Variants in PRKCZ observed in about 807,000 individuals in gnomAD.
PRKCZ encodes protein kinase C zeta type.
Under a neutral mutation model 79.5 loss-of-function variants are expected in PRKCZ, and 33 were observed. The observed-to-expected ratio is 0.41, with a 90% CI of 0.31 to 0.55. The LOEUF is 0.55. Among genes scored for constraint, PRKCZ ranks in the 20% least tolerant of loss-of-function variants. The pLI is 0.19. For synonymous variants in PRKCZ, 342 were observed against 320.9 expected (o/e 1.07, Z -0.70); for missense variants, 578 against 813.5 (o/e 0.71, Z 3.52).
intron 4 of PRKCZ, among the ~76,000 whole-genome samples, chr1:2,130,537 A>G (rs553342923): frequency 1.6e-4 from 24 of 152,292 alleles, no homozygotes; most frequent in South Asian, 1.2e-3. Context: ...GTGTGTATAG[A>G]AAGATCTATT....
chr1:2,077,542 G>T (rs552420703), intron 4 of PRKCZ, among the ~76,000 whole-genome samples: 1 of 152,202 alleles, frequency 6.6e-6, no homozygotes, highest in Non-Finnish European at 1.5e-5. Flanking sequence ...TGTTGCCCTT[G>T]TTAAATGGTT....
intron 4 of PRKCZ, among the ~76,000 whole-genome samples, chr1:2,068,030 C>T (rs1432258620): frequency 2.0e-5 from 3 of 152,216 alleles, no homozygotes; most frequent in Non-Finnish European, 4.4e-5. Context: ...CCTCAGGCCA[C>T]GGGACTCTGG....
intron 2 of PRKCZ, among the ~76,000 whole-genome samples, chr1:2,056,187 C>G (rs1224197853): frequency 6.6e-6 from 1 of 152,234 alleles, no homozygotes; most frequent in Non-Finnish European, 1.5e-5. Context: ...CCGCCCAGGA[C>G]TGACCTCCGG....
intron 10 of PRKCZ, 179 bp downstream of exon 10, chr1:2,156,271 A>G (rs1208876120): frequency 7.1e-6 from 4 of 561,066 alleles, no homozygotes; most frequent in African/African-American, 3.8e-5. Context: ...TATTAAGTAC[A>G]TTTCATGATC....
intron 10 of PRKCZ, among the ~76,000 whole-genome samples, chr1:2,166,327 G>A (rs1027148752): frequency 1.3e-5 from 2 of 152,214 alleles, no homozygotes; most frequent in Admixed American, 6.5e-5. Flanking sequence ...GCTGAAGCCG[G>A]AGGATTGCCT....
intron 4 of PRKCZ, among the ~76,000 whole-genome samples, chr1:2,122,123 G>T (rs1439594004): frequency 2.3e-5 from 1 of 42,900 alleles, no homozygotes; most frequent in Non-Finnish European, 3.8e-5. Flanking sequence ...TTAGGGTCAC[G>T]GTGGTGGTTA....
intron 4 of PRKCZ, among the ~76,000 whole-genome samples, chr1:2,103,379 A>C (rs1419749281): frequency 6.6e-6 from 1 of 151,316 alleles, no homozygotes; most frequent in African/African-American, 2.5e-5. Flanking sequence ...TTTATTTATC[A>C]GTTCAAGACA....
intron 10 of PRKCZ, among the ~76,000 whole-genome samples, chr1:2,161,442 A>G (rs1000748412): frequency 3.3e-5 from 5 of 152,158 alleles, no homozygotes; most frequent in African/African-American, 4.8e-5. Flanking sequence ...CTGCGCATGC[A>G]TCCTCCCAGA....
At chr1:2,068,237 A>ATG (rs1350208487) in intron 4 of PRKCZ, among the ~76,000 whole-genome samples, 2 of 152,190 alleles carry the variant, frequency 1.3e-5, no homozygotes, top group African/African-American at 4.8e-5. Flanking sequence ...CCCGGCTTCG[A>ATG]TGCGGCCATG....
rs114236958 is a variant in PRKCZ at position 2,128,699 on chromosome 1, C to T, written c.335-6563C>T. 0.01 allele frequency among the ~76,000 whole-genome samples: 1,568 copies of T among 152,260 alleles called. 34 individuals carry two copies. Among genetic ancestry groups the T allele is most frequent in the African/African-American group, 0.035 (1,469 of 41,544 alleles). The stretch of plus-strand genomic sequence containing the variant: ...TGGGTCCCCAATGGGCACGTGACAT[C>T]GAGCCAGCTCTGACTCCAAAGCCTG... On this transcript the variant is annotated intron_variant, in intron 4 of 17. Transcript: ENST00000378567. The surrounding 1 kb of genome is among the most constrained non-coding windows in gnomAD (Gnocchi z 6.5).
At chr1:2,085,306 A>G (rs2102425180) in intron 4 of PRKCZ, among the ~76,000 whole-genome samples, 1 of 152,306 alleles carries the variant, frequency 6.6e-6, no homozygotes, top group East Asian at 1.9e-4. Flanking sequence ...AAGGTCCCGG[A>G]GCAGGAGCTG....
In PRKCZ at chr1:2,125,216, A is replaced by G. The variant is rs183823406; in HGVS notation, c.335-10046A>G. Among the ~76,000 whole-genome samples, 3 of 152,300 alleles carry G rather than the reference A, an allele frequency of 2.0e-5. No homozygotes were observed. Among genetic ancestry groups the G allele is most frequent in the Non-Finnish European group, 4.4e-5 (3 of 68,016 alleles). On this transcript the variant is annotated intron_variant, in intron 4 of 17. Transcript: ENST00000378567. The surrounding 1 kb of genome is among the most constrained non-coding windows in gnomAD (Gnocchi z 4.2). ...AAAAAAAATTTCTTACATAGAAAGGAGCGGTATTTGGTATGAATTTATTTG... is the reference window on the plus strand; with the variant it reads ...AAAAAAAATTTCTTACATAGAAAGGGGCGGTATTTGGTATGAATTTATTTG...
chr1:2,151,690 C>G (rs142023681), intron 9 of PRKCZ, among the ~76,000 whole-genome samples: 3 of 152,236 alleles, frequency 2.0e-5, no homozygotes, highest in African/African-American at 7.2e-5. Context: ...TGGAAACGGT[C>G]TTACTCTGTC....
rs755171216 is a variant in PRKCZ, at chr1:2,165,209, G to C, written c.975-4309G>C. Reference sequence around the variant, plus strand: ...CTCATCTGCTGGTGTCTTCCTCAGAGCTTTAATGTCCGTCCTGCTCTCCGA... The same window carrying C: ...CTCATCTGCTGGTGTCTTCCTCAGACCTTTAATGTCCGTCCTGCTCTCCGA... On this transcript the variant is annotated intron_variant, in intron 10 of 17. Transcript: ENST00000378567. This position sits in a 1 kb window ranked among gnomAD's most constrained non-coding sequence, Gnocchi z 4.1. Among the ~76,000 whole-genome samples the C allele has an allele frequency of 6.6e-6, 1 of 152,186 alleles. No individual in the cohort carries two copies. Among genetic ancestry groups the C allele is most frequent in the Non-Finnish European group, 1.5e-5 (1 of 68,040 alleles).
chr1:2,056,185 G>A (rs1660139976), intron 2 of PRKCZ, among the ~76,000 whole-genome samples: 1 of 152,212 alleles, frequency 6.6e-6, no homozygotes, highest in South Asian at 2.1e-4. Context: ...CTCCGCCCAG[G>A]ACTGACCTCC....
chr1:2,129,494 C>A (rs1674553870), intron 4 of PRKCZ, among the ~76,000 whole-genome samples: 3 of 152,116 alleles, frequency 2.0e-5, no homozygotes, highest in Admixed American at 6.5e-5. Flanking sequence ...GACACGTGGG[C>A]TCCAGGACAG....
In PRKCZ at chr1:2,144,134, G is replaced by A. The variant is rs528509090; in HGVS notation, c.421-76G>A. On this transcript the variant is annotated intron_variant, in intron 5 of 17. Transcript: ENST00000378567. ...AGTGTCCTCTTTTGAGAAGGTATAG[G>A]TGTGGAAGGCCCTGCCTGTCCTCTC... is the stretch of plus-strand genomic sequence containing the variant. 16 of 1,519,812 alleles carry A rather than the reference G, an allele frequency of 1.1e-5. No individual in the cohort carries two copies. In the African/African-American group the frequency reaches 2.2e-4, roughly 21 times the overall value. The allele number at this position is 1,519,812 out of a possible 1,614,324, so 94.1% of individuals were successfully genotyped here. A position where few individuals can be genotyped will look rare whatever the true frequency, so the allele number is the denominator to read the frequency against.
intron 4 of PRKCZ, among the ~76,000 whole-genome samples, chr1:2,078,093 C>T (rs1662770198): frequency 6.6e-6 from 1 of 151,530 alleles, no homozygotes; most frequent in African/African-American, 2.4e-5. Flanking sequence ...GCCTCACCTC[C>T]CTCCTGGTGC....
chr1:2,065,375 G>C (rs764370080), intron 4 of PRKCZ, among the ~76,000 whole-genome samples: 4 of 152,100 alleles, frequency 2.6e-5, no homozygotes, highest in Non-Finnish European at 5.9e-5. Flanking sequence ...CCACTACTCT[G>C]TTGAATAAAA....
Sources: gnomAD v4.1 joint callset for allele counts (sites outside exome capture counted in the v4.1 genomes callset) on GRCh38, gnomAD v4.1.1 for gene constraint, Gnocchi (gnomAD v3.1) non-coding constraint, MANE v1.5 for transcripts, NCBI Gene and HGNC (gene_info 2026-07-23, HGNC 2026-07-21) for gene names.